The following MTCL3 variants were observed in gnomAD, a reference collection of about 807,000 sequenced individuals.
MTCL3 encodes microtubule cross-linking factor 3.
At chr6:127,515,157 C>G in the MTCL3 span, 27 of 1,009,452 alleles carry the variant, frequency 2.7e-5, no homozygotes, top group Middle Eastern at 2.2e-4. The surrounding 1 kb of genome is among the most constrained non-coding windows in gnomAD (Gnocchi z 4.3). Flanking sequence ...ATTGCCCTCT[C>G]TCTCCACGAG....
the MTCL3 span, chr6:127,513,149 T>A: frequency 9.0e-7 from 1 of 1,107,578 alleles, no homozygotes; most frequent in Non-Finnish European, 1.3e-6. Flanking sequence ...AATATTTATA[T>A]GGTGTTTACC....
the MTCL3 span, among the ~76,000 whole-genome samples, chr6:127,496,019 C>T: frequency 6.6e-6 from 1 of 152,010 alleles, no homozygotes; most frequent in African/African-American, 2.4e-5. Context: ...TGCCTGAGCT[C>T]AGGAGTTTGA....
the MTCL3 span, chr6:127,515,157 C>T: frequency 2.0e-6 from 2 of 1,009,570 alleles, no homozygotes; most frequent in South Asian, 1.4e-5. This position sits in a 1 kb window ranked among gnomAD's most constrained non-coding sequence, Gnocchi z 4.3. Context: ...ATTGCCCTCT[C>T]TCTCCACGAG....
the MTCL3 span, chr6:127,516,159 G>C: frequency 6.9e-7 from 1 of 1,442,098 alleles, no homozygotes; most frequent in Non-Finnish European, 9.0e-7. Context: ...TCGAGGGCAC[G>C]GACTCTAGCT....
the MTCL3 span, among the ~76,000 whole-genome samples, chr6:127,517,009 A>G: frequency 6.6e-6 from 1 of 152,204 alleles, no homozygotes; most frequent in African/African-American, 2.4e-5. Context: ...AAAGGGAGAT[A>G]TAAAAGAAAA....
At chr6:127,507,168 T>C in the MTCL3 span, among the ~76,000 whole-genome samples, 9,819 of 152,292 alleles carry the variant, frequency 0.064, 375 homozygotes, top group East Asian at 0.11. Context: ...TTACGTTGCA[T>C]ACATCAAAAT....
the MTCL3 span, among the ~76,000 whole-genome samples, chr6:127,480,519 T>C: frequency 6.6e-6 from 1 of 152,172 alleles, no homozygotes; most frequent in African/African-American, 2.4e-5. Context: ...CCATATGAAA[T>C]TGCCACTTCT....
At chr6:127,476,046 C>G in the MTCL3 span, 1 of 1,612,612 alleles carries the variant, frequency 6.2e-7, no homozygotes, top group African/African-American at 1.3e-5. This position sits in a 1 kb window ranked among gnomAD's most constrained non-coding sequence, Gnocchi z 4.4. Flanking sequence ...CCACGTTCCT[C>G]CGCAGCAGCT....
chr6:127,475,225 C>T, the MTCL3 span: 1 of 1,490,076 alleles, frequency 6.7e-7, no homozygotes, highest in Non-Finnish European at 9.0e-7. This position sits in a 1 kb window ranked among gnomAD's most constrained non-coding sequence, Gnocchi z 7.3. Flanking sequence ...CGCCGAGACG[C>T]CCCCCAGGGA....
the MTCL3 span, among the ~76,000 whole-genome samples, chr6:127,481,741 C>T: frequency 1.2e-4 from 19 of 152,078 alleles, no homozygotes; most frequent in Admixed American, 3.9e-4. Context: ...ATGTCAGAGG[C>T]GTGTGACCCA....
At chr6:127,518,750 C>T in the MTCL3 span, 2 of 152,188 alleles carry the variant, frequency 1.3e-5, no homozygotes, top group African/African-American at 4.8e-5. Flanking sequence ...TCGCTCGCCG[C>T]AGTTCCACAC....
At chr6:127,515,906 C>T in the MTCL3 span, 10 of 1,611,510 alleles carry the variant, frequency 6.2e-6, no homozygotes, top group Admixed American at 3.3e-5. This position sits in a 1 kb window ranked among gnomAD's most constrained non-coding sequence, Gnocchi z 4.3. Flanking sequence ...CCCGCAACGC[C>T]GCTTCCGGAG....
At chr6:127,507,958 T>G in the MTCL3 span, among the ~76,000 whole-genome samples, 1 of 152,166 alleles carries the variant, frequency 6.6e-6, no homozygotes, top group Non-Finnish European at 1.5e-5. Context: ...TTTTTTAAAT[T>G]TAGTCTCTTA....
At chr6:127,516,031 C>T in the MTCL3 span, 1 of 1,573,766 alleles carries the variant, frequency 6.4e-7, no homozygotes. Context: ...CCCTCGCCAG[C>T]CCCTGGGCGG....
the MTCL3 span, chr6:127,513,177 C>A: frequency 1.2e-6 from 1 of 846,392 alleles, no homozygotes; most frequent in Non-Finnish European, 1.8e-6. Flanking sequence ...AGGCATTATT[C>A]CACAAAGTAT....
At chr6:127,491,878 C>CAAA in the MTCL3 span, among the ~76,000 whole-genome samples, 29 of 60,724 alleles carry the variant, frequency 4.8e-4, no homozygotes, top group Non-Finnish European at 5.9e-4. Flanking sequence ...GACCCTGTCT[C>CAAA]AAAAAAAAAA....
At chr6:127,498,519 C>A in the MTCL3 span, among the ~76,000 whole-genome samples, 1 of 152,114 alleles carries the variant, frequency 6.6e-6, no homozygotes, top group Non-Finnish European at 1.5e-5. Context: ...AAACAGTTGG[C>A]AGTTTCTTTA....
the MTCL3 span, chr6:127,481,471 C>A: frequency 3.0e-6 from 3 of 985,166 alleles, no homozygotes; most frequent in Non-Finnish European, 3.6e-6. Context: ...TGTTCTGGTG[C>A]AAGTACCAGG....
At chr6:127,474,155 TA>T in the MTCL3 span, among the ~76,000 whole-genome samples, 86 of 148,274 alleles carry the variant, frequency 5.8e-4, no homozygotes, top group Admixed American at 4.7e-4. Context: ...CAACTTATGG[TA>T]AAAAAAAAAA....
Sources: allele counts gnomAD v4.1 joint callset (sites outside exome capture counted in the v4.1 genomes callset), GRCh38; gene constraint gnomAD v4.1.1; non-coding constraint Gnocchi (gnomAD v3.1); transcripts MANE v1.5; gene names NCBI Gene and HGNC (gene_info 2026-07-23, HGNC 2026-07-21).